The following CRYGN variants were observed in gnomAD, a reference collection of about 807,000 sequenced individuals.
CRYGN encodes the protein crystallin gamma N.
A neutral mutation model predicts 19.2 loss-of-function variants in CRYGN; 17 were observed. That is an observed-to-expected ratio of 0.89 (90% CI 0.61 to 1.33). The LOEUF (loss-of-function observed/expected upper bound fraction) is 1.33, where lower values mean the gene tolerates loss of function less well. Among genes scored for constraint, CRYGN ranks in the 40% most tolerant of loss-of-function variants. The pLI is 0.00. For synonymous variants in CRYGN, 84 were observed against 85.8 expected (o/e 0.98, Z 0.12); for missense variants, 239 against 239.6 (o/e 1.00, Z 0.02).
chr7:151,438,479 A>G (rs1014724984), intron 1 of CRYGN, among the ~76,000 whole-genome samples: 4 of 152,234 alleles, frequency 2.6e-5, no homozygotes, highest in African/African-American at 9.6e-5. Context: ...AGGAGCTCAC[A>G]GTGGGGCAGA....
rs1284397063 is a variant in CRYGN at position 151,429,547 on chromosome 7, A to G, written c.*501T>C. On this transcript the variant is annotated 3_prime_UTR_variant, in exon 4 of 4. Coordinates refer to ENST00000337323, the MANE Select transcript of CRYGN (RefSeq NM_144727.3). ...AGAGGAGTGGTTAGGAACGAAAAGG[A>G]TCAATCAGCCAGCCAGACCTGGGTT... 1 of 184,744 alleles carries G rather than the reference A, an allele frequency of 5.4e-6. No homozygotes were observed. Among genetic ancestry groups the G allele is most frequent in the Non-Finnish European group, 1.2e-5 (1 of 86,808 alleles). 11.4% of individuals were successfully genotyped at this position (184,744 alleles called of 1,614,324 possible). A position where few individuals can be genotyped will look rare whatever the true frequency, so the allele number is the denominator to read the frequency against.
chr7:151,440,314 C>G, upstream of CRYGN: 1 of 274,464 alleles, frequency 3.6e-6, no homozygotes, highest in Non-Finnish European at 6.8e-6. Context: ...AAGGCCTGTT[C>G]CGAGCTCCCC....
At chr7:151,437,331 C>T (rs1287489456) in intron 2 of CRYGN, among the ~76,000 whole-genome samples, 1 of 152,242 alleles carries the variant, frequency 6.6e-6, no homozygotes, top group Non-Finnish European at 1.5e-5. Context: ...GAGTCCGCCA[C>T]TCCCCACCTG....
Position 151,433,268 on chromosome 7 carries a change from C to A in CRYGN, c.416+2912G>T, listed in dbSNP as rs1484118845. ...TCACCCAGGAAGCTGTGGGCCCGGCCCAGAAAAGCAGGAAGGTGCGGTGGG... is the reference window on the plus strand; with the variant it reads ...TCACCCAGGAAGCTGTGGGCCCGGCACAGAAAAGCAGGAAGGTGCGGTGGG... On this transcript the variant is annotated intron_variant, in intron 3 of 3. Coordinates refer to ENST00000337323, the MANE Select transcript of CRYGN (RefSeq NM_144727.3). The surrounding 1 kb of genome is among the most constrained non-coding windows in gnomAD (Gnocchi z 5.1). 6.6e-6 allele frequency among the ~76,000 whole-genome samples: 1 copy of A among 152,168 alleles called. No individual in the cohort carries two copies. The highest frequency in any genetic ancestry group is 2.4e-5 in the African/African-American group (1 of 41,422).
chr7:151,432,397 C>G (rs1486367152), intron 3 of CRYGN: 1 of 541,446 alleles, frequency 1.8e-6, no homozygotes, highest in Non-Finnish European at 2.8e-6. Context: ...CGAGCGGCCC[C>G]TTCACTCTGG....
At chr7:151,438,350 C>G in intron 1 of CRYGN, 106 bp from the exon 2 acceptor site, 2 of 1,169,160 alleles carry the variant, frequency 1.7e-6, no homozygotes, top group Non-Finnish European at 2.4e-6. Flanking sequence ...TACTCCCAGG[C>G]CCCCAAAAGC....
rs1801431985 is a variant in CRYGN at position 151,430,195 on chromosome 7, T to C, written c.417-15A>G. On this transcript the variant is annotated splice_polypyrimidine_tract_variant and intron_variant, in intron 3 of 3. Coordinates refer to ENST00000337323, the MANE Select transcript of CRYGN (RefSeq NM_144727.3). This position sits in a 1 kb window ranked among gnomAD's most constrained non-coding sequence, Gnocchi z 5.2. ...GGCTCCATGCTCTGTGGTTTGCAGG[T>C]GAAAGGAGGTGGGGCCAGGGCATTA... 1.2e-6 allele frequency: 2 copies of C among 1,613,270 alleles called. No individual in the cohort carries two copies. Among genetic ancestry groups the C allele is most frequent in the Non-Finnish European group, 8.5e-7 (1 of 1,179,950 alleles).
At position 151,430,147 on chromosome 7, in the gene CRYGN, G is replaced by C. The variant is rs140984385; in HGVS notation, c.450C>G (p.Asp150Glu). 46 of 1,613,628 alleles carry C rather than the reference G, an allele frequency of 2.9e-5. No individual in the cohort carries two copies. In the African/African-American group the frequency reaches 5.9e-4, roughly 21 times the overall value. ...ATTGAAGAGAGCTGCTCAGCTGGAA[G>C]TCCTCAGCTCCGAAGCTTCTAGGGC... ...AWSPRSFGAE[D>E]FQLSSSLQSD... Residue 150 changes from aspartate (D) to glutamate (E), a missense_variant, in exon 4 of 4, where the codon GAC becomes GAG. By Grantham distance (45) the Asp-to-Glu change is conservative. Coordinates refer to ENST00000337323, the MANE Select transcript of CRYGN (RefSeq NM_144727.3). This position sits in a 1 kb window ranked among gnomAD's most constrained non-coding sequence, Gnocchi z 5.2.
intron 2 of CRYGN, among the ~76,000 whole-genome samples, chr7:151,437,391 C>G (rs73476460): frequency 6.6e-6 from 1 of 152,186 alleles, no homozygotes; most frequent in African/African-American, 2.4e-5. Context: ...CCTGGGGGAA[C>G]GGCCTTGCTT....
Position 151,439,999 on chromosome 7 carries a change from T to C in CRYGN, c.-82A>G. On this transcript the variant is annotated 5_prime_UTR_variant, in exon 1 of 4. Coordinates refer to ENST00000337323, the MANE Select transcript of CRYGN (RefSeq NM_144727.3). Reference sequence around the variant, plus strand: ...TCAGCGCCGCCCCGGACAAAAGATTTGCTGGGCCGGCCCCGGAGCGTTAGT... The same window carrying C: ...TCAGCGCCGCCCCGGACAAAAGATTCGCTGGGCCGGCCCCGGAGCGTTAGT... The C allele has an allele frequency of 4.2e-6, 6 of 1,429,804 alleles. No homozygotes were observed. 88.6% of individuals were successfully genotyped at this position (1,429,804 alleles called of 1,614,324 possible).
chr7:151,432,885 C>G (rs1429068858), intron 3 of CRYGN, among the ~76,000 whole-genome samples: 4 of 152,178 alleles, frequency 2.6e-5, no homozygotes, highest in Non-Finnish European at 2.9e-5. Flanking sequence ...GGTGGGGGGC[C>G]TGGCACAGAG....
rs762852290 is a variant in CRYGN, at chr7:151,439,900, C to A, written c.18G>T (p.Gly6=). 37 of 1,556,156 alleles carry A rather than the reference C, an allele frequency of 2.4e-5. No homozygotes were observed. In the South Asian group the frequency reaches 3.8e-4, roughly 16 times the overall value. Reference sequence around the variant, plus strand: ...TGGGGTTGAGGGACGCACTCACCTTCCCCGAGCGCTGCGCCATGGTGCGCC... The same window carrying A: ...TGGGGTTGAGGGACGCACTCACCTTACCCGAGCGCTGCGCCATGGTGCGCC... MAQRS[G]KITLYEGKHF... The change falls in exon 1 of 4, where the codon GGG becomes GGT. Residue 6 remains glycine (G), a synonymous_variant. Coordinates refer to ENST00000337323, the MANE Select transcript of CRYGN (RefSeq NM_144727.3).
intron 3 of CRYGN, chr7:151,432,262 T>C: frequency 8.1e-7 from 1 of 1,232,138 alleles, no homozygotes; most frequent in Non-Finnish European, 1.0e-6. Flanking sequence ...GCCGTGGTAG[T>C]TGGGCTCCTC....
At chr7:151,438,622 A>C (rs1801682064) in intron 1 of CRYGN, among the ~76,000 whole-genome samples, 1 of 152,226 alleles carries the variant, frequency 6.6e-6, no homozygotes, top group African/African-American at 2.4e-5. Context: ...CGATAATAAC[A>C]TTAAAGGAGG....
intron 2 of CRYGN, among the ~76,000 whole-genome samples, chr7:151,437,533 AT>A (rs1244160775): frequency 1.3e-5 from 2 of 151,836 alleles, no homozygotes; most frequent in Admixed American, 1.3e-4. Flanking sequence ...CTGCCCCCCA[AT>A]TTTCCCCTGA....
chr7:151,437,319 A>G (rs1221203379), intron 2 of CRYGN, among the ~76,000 whole-genome samples: 1 of 152,228 alleles, frequency 6.6e-6, no homozygotes, highest in Non-Finnish European at 1.5e-5. Flanking sequence ...CCCCAGGCTC[A>G]GGAGTCCGCC....
chr7:151,430,759 C>T lies in CRYGN; in HGVS notation c.417-579G>A, dbSNP rs1043310631. ...GGGCTGATCCCCAGTCCAAACCCCT[C>T]CATCTACTCAGAAAACTGGAGTAAG... is the stretch of plus-strand genomic sequence containing the variant. On this transcript the variant is annotated intron_variant, in intron 3 of 3. Coordinates refer to ENST00000337323, the MANE Select transcript of CRYGN (RefSeq NM_144727.3). The surrounding 1 kb of genome is among the most constrained non-coding windows in gnomAD (Gnocchi z 5.2). Among the ~76,000 whole-genome samples the T allele has an allele frequency of 1.3e-5, 2 of 152,226 alleles. No individual in the cohort carries two copies. Among genetic ancestry groups the T allele is most frequent in the Non-Finnish European group, 2.9e-5 (2 of 68,038 alleles).
Position 151,438,171 on chromosome 7 carries a change from T to C in CRYGN, c.95A>G (p.Asp32Gly). The stretch of plus-strand genomic sequence containing the variant: ...GTTCACTCGGTTCATAAAGCCCCGG[T>C]CCTGGAAGTTGTCACAGTCCCCGAA... ...EVFGDCDNFQDRGFMNRVNSI... is the reference protein window; with the variant it reads ...EVFGDCDNFQGRGFMNRVNSI... The change falls in exon 2 of 4, where the codon GAC (aspartate) becomes GGC (glycine). Residue 32 changes from aspartate to glycine, a missense_variant. By Grantham distance (94) the Asp-to-Gly change is moderately conservative. Transcript: ENST00000337323. 6.2e-7 allele frequency: 1 copy of C among 1,614,216 alleles called. No individual in the cohort carries two copies. The highest frequency in any genetic ancestry group is 8.5e-7 in the Non-Finnish European group (1 of 1,180,042).
In CRYGN at chr7:151,438,084, T is replaced by G; in HGVS notation, c.182A>C (p.Gln61Pro). The change falls in exon 2 of 4, where the codon CAG (glutamine) becomes CCG (proline). Residue 61 changes from glutamine to proline, a missense_variant. Coordinates refer to ENST00000337323, the MANE Select transcript of CRYGN (RefSeq NM_144727.3). The stretch of plus-strand genomic sequence containing the variant: ...GTAGTCGCCGTGCTCCAAGATGAAC[T>G]GCTGGCCCCGGAAGTCGGGGTGATT... ...CFNHPDFRGQ[Q>P]FILEHGDYPD... The G allele has an allele frequency of 6.2e-7, 1 of 1,614,126 alleles. No individual in the cohort carries two copies. The highest frequency in any genetic ancestry group is 8.5e-7 in the Non-Finnish European group (1 of 1,180,008).
Sources: gnomAD v4.1 joint callset for allele counts (sites outside exome capture counted in the v4.1 genomes callset) on GRCh38, gnomAD v4.1.1 for gene constraint, Gnocchi (gnomAD v3.1) non-coding constraint, MANE v1.5 for transcripts, NCBI Gene and HGNC (gene_info 2026-07-23, HGNC 2026-07-21) for gene names.